Variants in FXR1 observed in about 807,000 individuals in gnomAD.
The protein encoded by FXR1 is RNA-binding protein FXR1.
FXR1 carries 15 observed loss-of-function variants against 84.0 expected under a neutral mutation model. The observed-to-expected ratio is 0.18, with a 90% CI of 0.12 to 0.27. The LOEUF is 0.27. Among genes scored for constraint, FXR1 ranks in the 10% least tolerant of loss-of-function variants. The pLI is 1.00. For synonymous variants in FXR1, 245 were observed against 250.7 expected, an observed-to-expected ratio of 0.98 and a Z score of 0.21; for missense variants, 480 against 774.4, an observed-to-expected ratio of 0.62 and a Z score of 4.51.
intron 9 of FXR1, among the ~76,000 whole-genome samples, chr3:180,956,822 C>CT (rs1471258279): frequency 6.6e-6 from 1 of 152,092 alleles, no homozygotes; most frequent in East Asian, 1.9e-4. Flanking sequence ...ACTGACCAGT[C>CT]TACTGTTGTC....
chr3:180,924,738 T>C (rs1718971664), intron 1 of FXR1, among the ~76,000 whole-genome samples: 2 of 152,118 alleles, frequency 1.3e-5, no homozygotes, highest in Admixed American at 1.3e-4. Context: ...GTGATCCACC[T>C]GCCTCGGCCT....
intron 16 of FXR1, among the ~76,000 whole-genome samples, chr3:180,975,887 G>T (rs1241599383): frequency 1.3e-5 from 2 of 152,154 alleles, no homozygotes; most frequent in African/African-American, 4.8e-5. Flanking sequence ...CATTAGTTTA[G>T]ATGTTTTCTG....
At position 180,978,241 on chromosome 3, in the gene FXR1, A is replaced by G. The variant is rs1203413502; in HGVS notation, c.*1949A>G. 1 of 152,010 alleles carries G rather than the reference A, an allele frequency of 6.6e-6. No individual in the cohort carries two copies. The highest frequency in any genetic ancestry group is 1.5e-5 in the Non-Finnish European group (1 of 67,972). 9.4% of individuals were successfully genotyped at this position (152,010 alleles called of 1,614,324 possible). A position where few individuals can be genotyped will look rare whatever the true frequency, so the allele number is the denominator to read the frequency against. The stretch of plus-strand genomic sequence containing the variant: ...CATAGAATAGTCAGATATATTAAAC[A>G]TCCCTTTTCCATAAAGATGGTTTCA... On this transcript the variant is annotated 3_prime_UTR_variant, in exon 17 of 17. Transcript: ENST00000357559.
intron 10 of FXR1, 84 bp from the exon 11 acceptor site, chr3:180,961,384 C>T (rs1266832461): frequency 1.9e-5 from 8 of 428,734 alleles, no homozygotes; most frequent in Admixed American, 3.3e-5. Flanking sequence ...TGTGTGTGTG[C>T]CTGCCTGTCA....
intron 2 of FXR1, 30 bp downstream of exon 2, chr3:180,933,416 A>ATT: frequency 7.8e-7 from 1 of 1,280,868 alleles, no homozygotes; most frequent in East Asian, 2.3e-5. Flanking sequence ...AAAGGCCTTA[A>ATT]TTTTAGAGAT....
At chr3:180,947,176 G>A (rs774374490) in intron 3 of FXR1, among the ~76,000 whole-genome samples, 2 of 152,016 alleles carry the variant, frequency 1.3e-5, no homozygotes, top group Non-Finnish European at 2.9e-5. Flanking sequence ...AGCCCTCCGA[G>A]TAGATGAGAT....
intron 15 of FXR1, 65 bp from the exon 16 acceptor site, chr3:180,975,248 T>C: frequency 1.6e-6 from 1 of 644,596 alleles, no homozygotes; most frequent in South Asian, 2.2e-5. Flanking sequence ...AAATTACCCT[T>C]TATCCATAAA....
At chr3:180,922,820 C>G (rs1289376227) in intron 1 of FXR1, among the ~76,000 whole-genome samples, 4 of 152,042 alleles carry the variant, frequency 2.6e-5, no homozygotes. Flanking sequence ...TGTTATGTTG[C>G]CCAGGCTGGC....
intron 1 of FXR1, among the ~76,000 whole-genome samples, chr3:180,913,732 T>G (rs538487117): frequency 2.6e-5 from 4 of 152,316 alleles, no homozygotes; most frequent in African/African-American, 9.6e-5. Flanking sequence ...TACGCCAGGT[T>G]GTTAGAAGAT....
chr3:180,935,232 G>A lies in FXR1; in HGVS notation c.198+1G>A. 2 of 1,249,772 alleles carry A rather than the reference G, an allele frequency of 1.6e-6. No individual in the cohort carries two copies. The highest frequency in any genetic ancestry group is 2.3e-6 in the Non-Finnish European group (2 of 854,154). The allele number at this position is 1,249,772 out of a possible 1,614,324, so 77.4% of individuals were successfully genotyped here. On this transcript the variant is annotated splice_donor_variant, in intron 3 of 16. Transcript: ENST00000357559. LOFTEE classifies it high-confidence loss of function. Reference sequence around the variant, plus strand: ...AATTAGTGAAGGAGATGAAGTAGAGGTATGTATTTTTAAGTTTATTTTCTT... The same window carrying A: ...AATTAGTGAAGGAGATGAAGTAGAGATATGTATTTTTAAGTTTATTTTCTT...
At chr3:180,920,654 G>A (rs1330990695) in intron 1 of FXR1, among the ~76,000 whole-genome samples, 1 of 151,862 alleles carries the variant, frequency 6.6e-6, no homozygotes, top group African/African-American at 2.4e-5. Flanking sequence ...TGAGATTACA[G>A]CCATGCACCA....
At chr3:180,967,976 G>A (rs1214251987) in intron 13 of FXR1, 75 bp from the exon 14 acceptor site, 2 of 921,094 alleles carry the variant, frequency 2.2e-6, no homozygotes, top group Non-Finnish European at 3.6e-6. Context: ...ACAATAATTT[G>A]TAGGACATAA....
chr3:180,913,667 C>G (rs1012173146), intron 1 of FXR1, among the ~76,000 whole-genome samples: 1 of 152,192 alleles, frequency 6.6e-6, no homozygotes, highest in East Asian at 1.9e-4. Flanking sequence ...AAAATGAAAT[C>G]CTAATAGTTT....
intron 3 of FXR1, among the ~76,000 whole-genome samples, chr3:180,941,099 C>T (rs1441996068): frequency 2.0e-5 from 3 of 151,474 alleles, no homozygotes; most frequent in Admixed American, 6.6e-5. Flanking sequence ...TTGGGATAGG[C>T]GCCTTGAGAG....
At chr3:180,949,161 G>A in intron 6 of FXR1, 66 bp from the exon 7 acceptor site, 1 of 834,852 alleles carries the variant, frequency 1.2e-6, no homozygotes, top group African/African-American at 1.7e-5. Flanking sequence ...CATAGAAGAT[G>A]GGATGGTGTT....
intron 13 of FXR1, among the ~76,000 whole-genome samples, chr3:180,966,699 C>T (rs181642449): frequency 1.1e-3 from 161 of 152,184 alleles, no homozygotes; most frequent in Non-Finnish European, 2.0e-3. Flanking sequence ...GAAAAAATAA[C>T]AACATGGCAC....
Position 180,975,311 on chromosome 3 carries a change from A to C in FXR1, c.1604-2A>C, listed in dbSNP as rs1363067057. 1 of 1,313,494 alleles carries C rather than the reference A, an allele frequency of 7.6e-7. No individual in the cohort carries two copies. Among genetic ancestry groups the C allele is most frequent in the South Asian group, 1.3e-5 (1 of 75,340 alleles). The allele number at this position is 1,313,494 out of a possible 1,614,324, so 81.4% of individuals were successfully genotyped here. Reference sequence around the variant, plus strand: ...CTGTAATTTTTTTCTCATCTTTAACAGTCACAGTTGCAGATTATATTTCTA... The same window carrying C: ...CTGTAATTTTTTTCTCATCTTTAACCGTCACAGTTGCAGATTATATTTCTA... On this transcript the variant is annotated splice_acceptor_variant, in intron 15 of 16. Transcript: ENST00000357559. LOFTEE classifies it high-confidence loss of function.
chr3:180,913,850 T>G (rs750198732), intron 1 of FXR1, among the ~76,000 whole-genome samples: 5 of 152,258 alleles, frequency 3.3e-5, no homozygotes, highest in African/African-American at 7.2e-5. Context: ...TTCTAATACA[T>G]GAGTATTGTG....
At chr3:180,952,886 GC>G (rs2108471353) in intron 8 of FXR1, among the ~76,000 whole-genome samples, 1 of 146,546 alleles carries the variant, frequency 6.8e-6, no homozygotes, top group East Asian at 2.0e-4. Flanking sequence ...AGGCTGGAGT[GC>G]AGTGGCGTGA....
Sources: gnomAD v4.1 joint callset for allele counts (sites outside exome capture counted in the v4.1 genomes callset) on GRCh38, gnomAD v4.1.1 for gene constraint, MANE v1.5 for transcripts, NCBI Gene and HGNC (gene_info 2026-07-23, HGNC 2026-07-21) for gene names.